The following FOXP1 variants were observed in gnomAD, a reference collection of about 807,000 sequenced individuals.
FOXP1 encodes forkhead box P1.
Under a neutral mutation model 98.2 loss-of-function variants are expected in FOXP1, and 15 were observed. That is an observed-to-expected ratio of 0.15 (90% CI 0.10 to 0.24). FOXP1 has a LOEUF of 0.24. FOXP1 is among the 10% of genes least tolerant of loss of function. The probability of loss-of-function intolerance (pLI) is 1.00; values close to 1 mark genes in which losing one functional copy is unlikely to be tolerated. For synonymous variants in FOXP1, 371 were observed against 314.5 expected (o/e 1.18, Z -1.90); for missense variants, 633 against 848.5 (o/e 0.75, Z 3.15).
At chr3:71,476,699 T>C (rs1000761004) in intron 3 of FOXP1, among the ~76,000 whole-genome samples, 23 of 150,998 alleles carry the variant, frequency 1.5e-4, no homozygotes, top group African/African-American at 5.6e-4. Flanking sequence ...AGATGGGGTT[T>C]CACCTTGTTG....
intron 2 of FOXP1, among the ~76,000 whole-genome samples, chr3:71,550,637 T>C (rs1344857398): frequency 6.6e-6 from 1 of 152,176 alleles, no homozygotes; most frequent in Non-Finnish European, 1.5e-5. Context: ...AGAAAATAGA[T>C]TATGTTTCAA....
intron 3 of FOXP1, among the ~76,000 whole-genome samples, chr3:71,492,152 T>C (rs748205130): frequency 5.3e-4 from 81 of 152,146 alleles, no homozygotes; most frequent in Middle Eastern, 6.8e-3. Context: ...CATGCTTTGT[T>C]TTAGATATAG....
intron 7 of FOXP1, chr3:71,064,860 C>G: frequency 1.0e-6 from 1 of 980,946 alleles, no homozygotes; most frequent in Non-Finnish European, 1.2e-6. Flanking sequence ...CGCGCGGAGC[C>G]GGGCTCGGGG....
chr3:71,459,146 A>C (rs762464317), intron 3 of FOXP1, among the ~76,000 whole-genome samples: 4 of 152,212 alleles, frequency 2.6e-5, no homozygotes, highest in Admixed American at 6.5e-5. Flanking sequence ...CTCCATGGTA[A>C]CCACAAATCA....
At chr3:71,328,201 G>A (rs1023513695) in intron 4 of FOXP1, among the ~76,000 whole-genome samples, 2 of 151,950 alleles carry the variant, frequency 1.3e-5, no homozygotes, top group African/African-American at 4.8e-5. Flanking sequence ...AGGCTGAGGC[G>A]GGCAGATGGC....
At chr3:71,146,995 C>T (rs1194211474) in intron 6 of FOXP1, among the ~76,000 whole-genome samples, 1 of 152,186 alleles carries the variant, frequency 6.6e-6, no homozygotes, top group Non-Finnish European at 1.5e-5. Context: ...TTGAATGGTC[C>T]CCCACACAAA....
chr3:71,034,437 G>C (rs939921392), intron 11 of FOXP1, among the ~76,000 whole-genome samples: 1 of 152,088 alleles, frequency 6.6e-6, no homozygotes, highest in Non-Finnish European at 1.5e-5. Context: ...GCTATGTGAC[G>C]TGTGCAAGCG....
chr3:71,308,233 T>G (rs1688295892), intron 4 of FOXP1, among the ~76,000 whole-genome samples: 1 of 152,138 alleles, frequency 6.6e-6, no homozygotes, highest in Non-Finnish European at 1.5e-5. Flanking sequence ...CACAGACATT[T>G]CATTGTTCAA....
At chr3:71,405,534 A>G (rs1389448569) in intron 3 of FOXP1, among the ~76,000 whole-genome samples, 2 of 152,158 alleles carry the variant, frequency 1.3e-5, no homozygotes, top group Non-Finnish European at 2.9e-5. Flanking sequence ...GACAGCCAGG[A>G]GGAGGCAGAT....
intron 6 of FOXP1, among the ~76,000 whole-genome samples, chr3:71,179,134 C>CTT (rs34816512): frequency 0.19 from 24,142 of 124,602 alleles, 3,753 homozygotes; most frequent in African/African-American, 0.39. Context: ...TCTTAACAAT[C>CTT]TTTTTTTTTT....
intron 5 of FOXP1, among the ~76,000 whole-genome samples, chr3:71,260,734 G>A (rs1049973110): frequency 1.3e-5 from 2 of 151,552 alleles, no homozygotes; most frequent in South Asian, 4.2e-4. Flanking sequence ...CTAGAGACAG[G>A]GTTTCACTAT....
chr3:71,497,469 C>T lies in FOXP1; in HGVS notation c.-297-3914G>A, dbSNP rs552782712. On this transcript the variant is annotated intron_variant, in intron 2 of 20. Coordinates refer to ENST00000649528, the MANE Select transcript of FOXP1 (RefSeq NM_001349338.3). ...CATTTTTTTAAAATGTAGCAGTACC[C>T]CCACTTGCTTTCTACCCCAGCTCAC... Among the ~76,000 whole-genome samples the T allele has an allele frequency of 2.0e-5, 3 of 152,206 alleles. No individual in the cohort carries two copies. The South Asian group carries it at 6.2e-4, about 32-fold the overall frequency.
At chr3:71,236,515 A>G (rs1000600767) in intron 5 of FOXP1, among the ~76,000 whole-genome samples, 2 of 152,214 alleles carry the variant, frequency 1.3e-5, no homozygotes, top group Non-Finnish European at 2.9e-5. Context: ...ACAGGCATAT[A>G]ATGAGAGCCA....
intron 3 of FOXP1, among the ~76,000 whole-genome samples, chr3:71,489,300 G>C (rs1250028826): frequency 6.6e-6 from 1 of 152,162 alleles, no homozygotes; most frequent in Non-Finnish European, 1.5e-5. Flanking sequence ...GAGGAAGGCT[G>C]GGCAAATAAG....
At chr3:71,149,294 T>C (rs1187018519) in intron 6 of FOXP1, among the ~76,000 whole-genome samples, 1 of 152,240 alleles carries the variant, frequency 6.6e-6, no homozygotes, top group Non-Finnish European at 1.5e-5. Context: ...TATTCATAAA[T>C]GTTTCTTACA....
At chr3:71,206,815 A>G (rs2064072623) in intron 5 of FOXP1, among the ~76,000 whole-genome samples, 1 of 152,166 alleles carries the variant, frequency 6.6e-6, no homozygotes, top group South Asian at 2.1e-4. Flanking sequence ...TTAGCTTTTC[A>G]GCTCTGGTGG....
chr3:71,329,219 T>TG (rs2076136539), intron 4 of FOXP1, among the ~76,000 whole-genome samples: 1 of 151,616 alleles, frequency 6.6e-6, no homozygotes, highest in Non-Finnish European at 1.5e-5. Flanking sequence ...AGACCTCTTT[T>TG]TTTTTCTTTT....
At chr3:71,370,805 T>TG (rs1280270035) in intron 3 of FOXP1, among the ~76,000 whole-genome samples, 1 of 150,064 alleles carries the variant, frequency 6.7e-6, no homozygotes, top group Non-Finnish European at 1.5e-5. Flanking sequence ...GTTGTTTTTT[T>TG]TTTTTTTTTT....
intron 14 of FOXP1, among the ~76,000 whole-genome samples, chr3:70,986,978 G>GA (rs2039854717): frequency 1.3e-5 from 2 of 152,034 alleles, no homozygotes; most frequent in African/African-American, 4.8e-5. Context: ...TTTATTTATA[G>GA]AAAAAAATCA....
Sources: allele counts gnomAD v4.1 joint callset (sites outside exome capture counted in the v4.1 genomes callset), GRCh38; gene constraint gnomAD v4.1.1; transcripts MANE v1.5; gene names NCBI Gene and HGNC (gene_info 2026-07-23, HGNC 2026-07-21).